Variants in TBC1D8 observed in about 807,000 individuals in gnomAD.
The protein encoded by TBC1D8 is BUB2-like protein 1.
Under a neutral mutation model 118.8 loss-of-function variants are expected in TBC1D8, and 65 were observed. That is an observed-to-expected ratio of 0.55 (90% CI 0.45 to 0.67). TBC1D8 has a LOEUF of 0.67. TBC1D8 is among the 30% of genes least tolerant of loss of function. The pLI, the probability that TBC1D8 is intolerant of heterozygous loss-of-function variation, is 0.00. For missense variants in TBC1D8, 1,376 were observed against 1,471.2 expected (o/e 0.94, Z 1.06); for synonymous variants, 566 against 595.8 (o/e 0.95, Z 0.73).
chr2:101,055,385 A>G (rs1682361042), intron 3 of TBC1D8, among the ~76,000 whole-genome samples: 1 of 152,110 alleles, frequency 6.6e-6, no homozygotes, highest in African/African-American at 2.4e-5. Context: ...TCCTCAAAAA[A>G]AAAAAAAGTT....
chr2:101,054,372 C>T (rs768753170), intron 3 of TBC1D8, 36 bp from the exon 4 acceptor site: 6 of 1,546,310 alleles, frequency 3.9e-6, no homozygotes, highest in Middle Eastern at 3.4e-4. Context: ...GCTCAGTGAG[C>T]CAGCAATGGG....
At chr2:101,123,596 C>A (rs1459797971) in intron 1 of TBC1D8, among the ~76,000 whole-genome samples, 1 of 152,158 alleles carries the variant, frequency 6.6e-6, no homozygotes, top group Non-Finnish European at 1.5e-5. Context: ...CTGCTTTACC[C>A]TGTGATTGAG....
intron 1 of TBC1D8, among the ~76,000 whole-genome samples, chr2:101,135,298 T>TAAAACA (rs1678804058): frequency 6.6e-6 from 1 of 152,202 alleles, no homozygotes; most frequent in Admixed American, 6.5e-5. Context: ...AATCTAAATG[T>TAAAACA]TTTATTTGGC....
At chr2:101,118,219 T>A (rs1476927987) in intron 1 of TBC1D8, among the ~76,000 whole-genome samples, 1 of 151,958 alleles carries the variant, frequency 6.6e-6, no homozygotes, top group Non-Finnish European at 1.5e-5. Context: ...GGCCTGGCTT[T>A]CAGTACTTTT....
chr2:101,015,605 G>A (rs1679571279), intron 17 of TBC1D8, among the ~76,000 whole-genome samples: 1 of 151,900 alleles, frequency 6.6e-6, no homozygotes, highest in Admixed American at 6.6e-5. Context: ...TAACTTTTCT[G>A]TTAAAAACCA....
intron 1 of TBC1D8, among the ~76,000 whole-genome samples, chr2:101,141,491 T>G (rs1414608385): frequency 6.6e-6 from 1 of 152,206 alleles, no homozygotes; most frequent in Middle Eastern, 3.4e-3. Flanking sequence ...GAACGCTGGG[T>G]TGGGGGAGGG....
intron 2 of TBC1D8, among the ~76,000 whole-genome samples, chr2:101,086,431 G>A (rs1675633906): frequency 6.6e-6 from 1 of 152,158 alleles, no homozygotes; most frequent in East Asian, 1.9e-4. Context: ...AAACCAATCT[G>A]CAGACTGCAA....
At chr2:101,023,113 C>T in intron 15 of TBC1D8, among the ~76,000 whole-genome samples, 1 of 149,568 alleles carries the variant, frequency 6.7e-6, no homozygotes, top group Non-Finnish European at 1.5e-5. Flanking sequence ...CCACTGCACT[C>T]CAGCCTGGGC....
At position 101,040,182 on chromosome 2, in the gene TBC1D8, C is replaced by T. The variant is rs1427275964; in HGVS notation, c.1076G>A (p.Arg359Lys). The T allele has an allele frequency of 6.2e-7, 1 of 1,613,842 alleles. No homozygotes were observed. The highest frequency in any genetic ancestry group is 1.7e-5 in the Admixed American group (1 of 60,020). ...CAGACAGTAGGGCCAGTCTACCTCTCTGAGTGGCAGGATGATCTTACAGCA... is the reference window on the plus strand; with the variant it reads ...CAGACAGTAGGGCCAGTCTACCTCTTTGAGTGGCAGGATGATCTTACAGCA... ...DGCCKIILPLREVVSIEKMED... is the reference protein window; with the variant it reads ...DGCCKIILPLKEVVSIEKMED... The change falls in exon 6 of 20, where the codon AGA becomes AAA. Residue 359 changes from arginine (R) to lysine (K), a missense_variant. Transcript: ENST00000409318.
rs142192898 is a variant in TBC1D8, at chr2:101,092,676, A to G, written c.128-2312T>C. Among the ~76,000 whole-genome samples, 1,218 of 152,222 alleles carry G rather than the reference A, an allele frequency of 8.0e-3. 19 individuals carry two copies. The highest frequency in any genetic ancestry group is 0.027 in the African/African-American group (1,132 of 41,532). ...TTTTGTGTCCTTCGGATGTGTCCTCATCGTTCTTCATATTTTCTGGGACAA... is the reference window on the plus strand; with the variant it reads ...TTTTGTGTCCTTCGGATGTGTCCTCGTCGTTCTTCATATTTTCTGGGACAA... On this transcript the variant is annotated intron_variant, in intron 1 of 19. Coordinates refer to ENST00000409318, the MANE Select transcript of TBC1D8 (RefSeq NM_001330348.2).
At chr2:101,022,079 G>C (rs1006995774) in intron 16 of TBC1D8, among the ~76,000 whole-genome samples, 1 of 152,182 alleles carries the variant, frequency 6.6e-6, no homozygotes, top group Non-Finnish European at 1.5e-5. Context: ...TGTTGAGAGC[G>C]TGGGCCCCTC....
chr2:101,134,191 TCTCTCTCACACA>T (rs1337290147), intron 1 of TBC1D8, among the ~76,000 whole-genome samples: 192 of 96,188 alleles, frequency 2.0e-3, no homozygotes, highest in African/African-American at 3.4e-3. Context: ...TCTCTCTCTC[TCTCTCTCACACA>T]CACACACACA....
chr2:101,022,646 C>G (rs1680108833), intron 15 of TBC1D8, 125 bp from the exon 16 acceptor site: 1 of 1,342,466 alleles, frequency 7.4e-7, no homozygotes. Flanking sequence ...TAAAAGTGTT[C>G]CCTTGTTACC....
chr2:101,067,701 CTG>C (rs2105432743), intron 2 of TBC1D8, among the ~76,000 whole-genome samples: 1 of 152,308 alleles, frequency 6.6e-6, no homozygotes, highest in Non-Finnish European at 1.5e-5. Context: ...TGGCTGCTGA[CTG>C]TCAGTGTGCT....
intron 2 of TBC1D8, among the ~76,000 whole-genome samples, chr2:101,061,704 G>A (rs73943426): frequency 0.092 from 13,982 of 151,990 alleles, 1,846 homozygotes; most frequent in African/African-American, 0.29. Context: ...ATGGATCACA[G>A]AAGTCCAAGC....
chr2:101,045,174 T>G (rs1681620633), intron 5 of TBC1D8, among the ~76,000 whole-genome samples: 1 of 152,190 alleles, frequency 6.6e-6, no homozygotes, highest in Non-Finnish European at 1.5e-5. Flanking sequence ...GCAAGACAAC[T>G]ATGCAGAAGA....
intron 2 of TBC1D8, among the ~76,000 whole-genome samples, chr2:101,077,116 C>T (rs1377669566): frequency 9.2e-5 from 14 of 152,218 alleles, no homozygotes; most frequent in South Asian, 2.1e-4. Context: ...CTCCGCCTCC[C>T]GGGTTCACGC....
intron 4 of TBC1D8, among the ~76,000 whole-genome samples, chr2:101,052,719 A>G (rs1185245443): frequency 1.3e-5 from 2 of 152,106 alleles, no homozygotes; most frequent in African/African-American, 4.8e-5. Context: ...TCCTAACACA[A>G]TAAGGTTTAG....
At chr2:101,010,795 CTGCT>C in intron 19 of TBC1D8, 130 bp downstream of exon 19, 1 of 659,638 alleles carries the variant, frequency 1.5e-6, no homozygotes, top group South Asian at 1.9e-5. Context: ...GGCAGGAGAA[CTGCT>C]TGAACCCTGG....
Sources: allele counts gnomAD v4.1 joint callset (sites outside exome capture counted in the v4.1 genomes callset), GRCh38; gene constraint gnomAD v4.1.1; transcripts MANE v1.5; gene names NCBI Gene and HGNC (gene_info 2026-07-23, HGNC 2026-07-21).